Variants in CTIF observed in about 807,000 individuals in gnomAD.
CTIF encodes CBP80/20-dependent translation initiation factor.
A neutral mutation model predicts 66.0 loss-of-function variants in CTIF; 21 were observed. The ratio of observed to expected loss-of-function variants is 0.32; its 90% CI spans 0.23 to 0.46. The LOEUF (loss-of-function observed/expected upper bound fraction) is 0.46, where lower values mean the gene tolerates loss of function less well. Among genes scored for constraint, CTIF ranks in the 20% least tolerant of loss-of-function variants. The pLI, the probability that CTIF is intolerant of heterozygous loss-of-function variation, is 1.00. For missense variants in CTIF, 739 were observed against 812.7 expected (o/e 0.91, Z 1.10); for synonymous variants, 345 against 326.4 (o/e 1.06, Z -0.62).
chr18:48,612,468 G>A (rs2090324597), intron 1 of CTIF, among the ~76,000 whole-genome samples: 1 of 152,226 alleles, frequency 6.6e-6, no homozygotes, highest in Non-Finnish European at 1.5e-5. Context: ...AGAGGGGATG[G>A]AGGGGACCAG....
intron 1 of CTIF, among the ~76,000 whole-genome samples, chr18:48,576,435 C>T (rs1050506136): frequency 1.3e-5 from 2 of 152,172 alleles, no homozygotes; most frequent in African/African-American, 4.8e-5. Context: ...CATCTGCGGA[C>T]CTTGCTGTCT....
chr18:48,553,956 C>A (rs2088955870), intron 1 of CTIF, among the ~76,000 whole-genome samples: 1 of 152,144 alleles, frequency 6.6e-6, no homozygotes, highest in Non-Finnish European at 1.5e-5. Flanking sequence ...CCACAAAGTT[C>A]CTGATTCTCT....
chr18:48,541,967 G>A (rs2088631859), intron 1 of CTIF, among the ~76,000 whole-genome samples: 1 of 152,058 alleles, frequency 6.6e-6, no homozygotes, highest in South Asian at 2.1e-4. Context: ...TCTGGGTGGG[G>A]GAAGGGCCAC....
chr18:48,827,037 G>A (rs1291444863), intron 10 of CTIF, among the ~76,000 whole-genome samples: 2 of 152,148 alleles, frequency 1.3e-5, no homozygotes, highest in Non-Finnish European at 2.9e-5. Context: ...TTTGAGCCAA[G>A]GCGTGGGGGC....
chr18:48,603,249 AATGG>A (rs1346280770), intron 1 of CTIF, among the ~76,000 whole-genome samples: 1 of 128,274 alleles, frequency 7.8e-6, no homozygotes, highest in Non-Finnish European at 1.7e-5. Context: ...TGGATGGATG[AATGG>A]ATGGATGGAT....
chr18:48,812,914 C>G (rs1403753690), intron 9 of CTIF, among the ~76,000 whole-genome samples: 1 of 152,060 alleles, frequency 6.6e-6, no homozygotes, highest in Non-Finnish European at 1.5e-5. Context: ...TTTCTCTGCT[C>G]TCTTTGTTCT....
chr18:48,553,386 T>C (rs1286103153), intron 1 of CTIF, among the ~76,000 whole-genome samples: 1 of 152,176 alleles, frequency 6.6e-6, no homozygotes, highest in Non-Finnish European at 1.5e-5. Context: ...AAGACCTCTG[T>C]GTCTTTCCCT....
chr18:48,664,660 T>G, intron 5 of CTIF, 109 bp downstream of exon 5: 1 of 842,134 alleles, frequency 1.2e-6, no homozygotes, highest in Non-Finnish European at 1.9e-6. Flanking sequence ...AGGTGGCTGA[T>G]GCCCCGGGAT....
intron 10 of CTIF, among the ~76,000 whole-genome samples, chr18:48,847,464 A>G (rs2069106754): frequency 6.6e-6 from 1 of 152,202 alleles, no homozygotes; most frequent in Admixed American, 6.5e-5. Context: ...TGGGTTGTGC[A>G]AGCCACTTAA....
chr18:48,644,183 T>A (rs1568099190), intron 3 of CTIF, among the ~76,000 whole-genome samples: 1 of 152,170 alleles, frequency 6.6e-6, no homozygotes. Flanking sequence ...GTTGGGTCAT[T>A]CCTTTGTTTA....
chr18:48,718,116 T>A (rs1259341303), intron 7 of CTIF, among the ~76,000 whole-genome samples: 1 of 152,206 alleles, frequency 6.6e-6, no homozygotes, highest in African/African-American at 2.4e-5. Flanking sequence ...AGGACATAGA[T>A]TTGGTCTGGC....
intron 3 of CTIF, among the ~76,000 whole-genome samples, chr18:48,658,867 G>A (rs1258958719): frequency 1.3e-5 from 2 of 152,188 alleles, no homozygotes; most frequent in African/African-American, 4.8e-5. Flanking sequence ...CCCAGGGCAA[G>A]TGGGCCCTGG....
Position 48,579,827 on chromosome 18 carries a change from AGT to A in CTIF, c.-28-39702_-28-39701del, listed in dbSNP as rs1308788102. On this transcript the variant is annotated intron_variant, in intron 1 of 11. Coordinates refer to ENST00000256413, the MANE Select transcript of CTIF (RefSeq NM_014772.3). ...GCATGGGATCAAAAAACCCCACATTAGTGTGTGTGTATATTTTTTCATGCCTA... is the reference window on the plus strand; with the variant it reads ...GCATGGGATCAAAAAACCCCACATTAGTGTGTGTATATTTTTTCATGCCTA... Among the ~76,000 whole-genome samples, 15 of 152,318 alleles carry A rather than the reference AGT, an allele frequency of 9.8e-5. No homozygotes were observed. The South Asian group carries it at 2.5e-3, about 25-fold the overall frequency.
intron 9 of CTIF, among the ~76,000 whole-genome samples, chr18:48,771,003 CT>C (rs753104594): frequency 1.2e-4 from 19 of 152,248 alleles, no homozygotes; most frequent in East Asian, 5.8e-4. Context: ...TTTCCCCCCC[CT>C]ACGCTGATTA....
chr18:48,810,548 A>G (rs1432134368), intron 9 of CTIF, among the ~76,000 whole-genome samples: 1 of 152,060 alleles, frequency 6.6e-6, no homozygotes, highest in East Asian at 1.9e-4. Flanking sequence ...ATGTTTTGAA[A>G]TTTATACTGA....
At chr18:48,804,703 G>C (rs2068108781) in intron 9 of CTIF, among the ~76,000 whole-genome samples, 1 of 152,150 alleles carries the variant, frequency 6.6e-6, no homozygotes, top group Non-Finnish European at 1.5e-5. Flanking sequence ...GACCTTCCAC[G>C]ATGCTGCCCT....
chr18:48,668,529 G>A (rs2091472498), intron 5 of CTIF, among the ~76,000 whole-genome samples: 1 of 152,156 alleles, frequency 6.6e-6, no homozygotes, highest in South Asian at 2.1e-4. Context: ...CGGGGGCCGG[G>A]GGAAACTTTT....
intron 1 of CTIF, among the ~76,000 whole-genome samples, chr18:48,599,444 C>A (rs1047515377): frequency 6.6e-6 from 1 of 152,012 alleles, no homozygotes; most frequent in Admixed American, 6.5e-5. Context: ...TGAAAGATGT[C>A]TTTGGATATT....
At chr18:48,669,943 G>A (rs1025021816) in intron 5 of CTIF, among the ~76,000 whole-genome samples, 3 of 149,720 alleles carry the variant, frequency 2.0e-5, no homozygotes, top group Non-Finnish European at 4.5e-5. Context: ...TAATCCTCCA[G>A]CCACCTTAAG....
Sources: gnomAD v4.1 joint callset for allele counts (sites outside exome capture counted in the v4.1 genomes callset) on GRCh38, gnomAD v4.1.1 for gene constraint, MANE v1.5 for transcripts, NCBI Gene and HGNC (gene_info 2026-07-23, HGNC 2026-07-21) for gene names.